ELOVL5: variants seen among roughly 807,000 people sequenced by gnomAD.
The protein encoded by ELOVL5 is very long chain fatty acid elongase 5.
ELOVL5 carries 8 observed loss-of-function variants against 38.6 expected under a neutral mutation model. The ratio of observed to expected loss-of-function variants is 0.21; its 90% CI spans 0.12 to 0.37. The LOEUF (loss-of-function observed/expected upper bound fraction) is 0.37, where lower values mean the gene tolerates loss of function less well. ELOVL5 is among the 10% of genes least tolerant of loss of function. ELOVL5 has a pLI of 1.00. For missense variants in ELOVL5, 280 were observed against 367.8 expected (o/e 0.76, Z 1.95); for synonymous variants, 127 against 133.7 (o/e 0.95, Z 0.34).
chr6:53,331,980 G>A (rs1352414253), intron 1 of ELOVL5, among the ~76,000 whole-genome samples: 1 of 152,166 alleles, frequency 6.6e-6, no homozygotes, highest in South Asian at 2.1e-4. Context: ...CATGGTGAGA[G>A]AGGAAGCAAG....
chr6:53,299,040 T>G (rs1012571856), intron 1 of ELOVL5, among the ~76,000 whole-genome samples: 3 of 152,010 alleles, frequency 2.0e-5, no homozygotes, highest in Admixed American at 1.3e-4. Context: ...ATACAAAGGA[T>G]TGCCAAAATA....
chr6:53,326,016 G>T (rs116798651), intron 1 of ELOVL5, among the ~76,000 whole-genome samples: 1,624 of 152,298 alleles, frequency 0.011, 32 homozygotes, highest in African/African-American at 0.037. Flanking sequence ...TAAGGACTTT[G>T]CAGGGTGGAA....
chr6:53,268,400 T>C lies in ELOVL5; in HGVS notation c.*727A>G, dbSNP rs41273872. On this transcript the variant is annotated 3_prime_UTR_variant, in exon 8 of 8. Transcript: ENST00000304434. ...AGGACAAAGAATATATATTTAAGTT[T>C]CATCACGACTGCTGTAGAGCCCCCC... 1.3e-5 allele frequency: 2 copies of C among 152,256 alleles called. No individual in the cohort carries two copies. The highest frequency in any genetic ancestry group is 2.9e-5 in the Non-Finnish European group (2 of 68,036). The allele number at this position is 152,256 out of a possible 1,614,324, so 9.4% of individuals were successfully genotyped here. A position where few individuals can be genotyped will look rare whatever the true frequency, so the allele number is the denominator to read the frequency against.
At chr6:53,336,197 G>A (rs1769060561) in intron 1 of ELOVL5, among the ~76,000 whole-genome samples, 1 of 152,132 alleles carries the variant, frequency 6.6e-6, no homozygotes, top group African/African-American at 2.4e-5. Flanking sequence ...TCACGTGTAG[G>A]GTCCACATTC....
At chr6:53,284,312 T>A (rs115801078) in intron 3 of ELOVL5, among the ~76,000 whole-genome samples, 635 of 54,512 alleles carry the variant, frequency 0.012, 7 homozygotes, top group African/African-American at 0.074. Flanking sequence ...TTTTTTTTTT[T>A]TTAAAAAAAA....
intron 1 of ELOVL5, among the ~76,000 whole-genome samples, chr6:53,339,326 A>G (rs1332863428): frequency 1.3e-5 from 2 of 152,224 alleles, no homozygotes; most frequent in Non-Finnish European, 2.9e-5. Flanking sequence ...TAGCCATTAC[A>G]ATGTTGCCAA....
chr6:53,282,025 T>C (rs903596085), intron 3 of ELOVL5, among the ~76,000 whole-genome samples: 6 of 152,224 alleles, frequency 3.9e-5, no homozygotes, highest in Admixed American at 2.0e-4. Flanking sequence ...TGCCCTCTTA[T>C]GCTAGCAGTT....
At chr6:53,331,678 G>A (rs1024515130) in intron 1 of ELOVL5, among the ~76,000 whole-genome samples, 12 of 152,168 alleles carry the variant, frequency 7.9e-5, no homozygotes, top group African/African-American at 1.9e-4. Flanking sequence ...GAAACTTGGA[G>A]TACACCGAGT....
intron 3 of ELOVL5, among the ~76,000 whole-genome samples, chr6:53,285,150 A>G (rs1404920355): frequency 6.6e-6 from 1 of 152,232 alleles, no homozygotes; most frequent in Non-Finnish European, 1.5e-5. Context: ...GACAGGACGA[A>G]AGCTGGGCCT....
chr6:53,326,628 GT>G (rs991429917), intron 1 of ELOVL5, among the ~76,000 whole-genome samples: 6 of 152,252 alleles, frequency 3.9e-5, no homozygotes, highest in African/African-American at 1.4e-4. Context: ...CCCAGACTAG[GT>G]TAGGTCCCTC....
chr6:53,339,612 T>C (rs1359822076), intron 1 of ELOVL5, among the ~76,000 whole-genome samples: 1 of 152,216 alleles, frequency 6.6e-6, no homozygotes, highest in African/African-American at 2.4e-5. Flanking sequence ...AAAACTCCTA[T>C]TGCCTAGTGA....
At chr6:53,320,496 T>C (rs1017379751) in intron 1 of ELOVL5, among the ~76,000 whole-genome samples, 1 of 152,034 alleles carries the variant, frequency 6.6e-6, no homozygotes, top group Non-Finnish European at 1.5e-5. Context: ...CCACCGCGCC[T>C]GGCTAATTTT....
intron 6 of ELOVL5, 63 bp from the exon 7 acceptor site, chr6:53,270,790 C>A: frequency 6.3e-6 from 10 of 1,588,218 alleles, no homozygotes; most frequent in South Asian, 3.4e-5. Flanking sequence ...CCACACCAGG[C>A]AGACTTTTTA....
chr6:53,294,057 C>A, intron 2 of ELOVL5: 1 of 1,290,258 alleles, frequency 7.8e-7, no homozygotes, highest in South Asian at 2.3e-5. Context: ...ACATATATAT[C>A]ACAAACAATA....
chr6:53,337,952 T>C (rs1286749012), intron 1 of ELOVL5, among the ~76,000 whole-genome samples: 2 of 152,208 alleles, frequency 1.3e-5, no homozygotes, highest in Non-Finnish European at 2.9e-5. Flanking sequence ...TGCTTCCAGC[T>C]TAATGGCTTG....
intron 1 of ELOVL5, among the ~76,000 whole-genome samples, chr6:53,306,609 T>C (rs1171632603): frequency 6.6e-6 from 1 of 152,088 alleles, no homozygotes; most frequent in Non-Finnish European, 1.5e-5. Flanking sequence ...AAAGAAGAAA[T>C]GTACAGTCAA....
rs189857814 is a variant in ELOVL5, at chr6:53,329,642, G to A, written c.-9+19175C>T. ...AGTTCGAGACCAGCCTGGCCAACAC[G>A]GTGAAACCCCGTCTCTACTAAAAAT... On this transcript the variant is annotated intron_variant, in intron 1 of 7. Transcript: ENST00000304434. Among the ~76,000 whole-genome samples, 777 of 152,180 alleles carry A rather than the reference G, an allele frequency of 5.1e-3. 7 individuals carry two copies. The highest frequency in any genetic ancestry group is 0.017 in the African/African-American group (715 of 41,530).
chr6:53,276,825 T>C (rs941030669), intron 3 of ELOVL5, among the ~76,000 whole-genome samples: 1 of 152,028 alleles, frequency 6.6e-6, no homozygotes, highest in Non-Finnish European at 1.5e-5. Context: ...AGGGATAATT[T>C]AGTCCAACTT....
At chr6:53,298,270 C>T (rs571529731) in intron 1 of ELOVL5, among the ~76,000 whole-genome samples, 2 of 152,290 alleles carry the variant, frequency 1.3e-5, no homozygotes, top group Admixed American at 1.3e-4. Flanking sequence ...GTCATAAAGG[C>T]TATGACTAAT....
Sources: gnomAD v4.1 joint callset for allele counts (sites outside exome capture counted in the v4.1 genomes callset) on GRCh38, gnomAD v4.1.1 for gene constraint, MANE v1.5 for transcripts, NCBI Gene and HGNC (gene_info 2026-07-23, HGNC 2026-07-21) for gene names.